The following EEF2KMT variants were observed in gnomAD, a reference collection of about 807,000 sequenced individuals.
EEF2KMT encodes eukaryotic elongation factor 2 lysine methyltransferase, also known as protein-lysine N-methyltransferase EEF2KMT.
EEF2KMT carries 30 observed loss-of-function variants against 35.1 expected under a neutral mutation model. That is an observed-to-expected ratio of 0.85 (90% CI 0.64 to 1.16). The LOEUF is 1.16. Among genes scored for constraint, EEF2KMT ranks in the 50% most tolerant of loss-of-function variants. The pLI is 0.00. For synonymous variants in EEF2KMT, 190 were observed against 187.7 expected, an observed-to-expected ratio of 1.01 and a Z score of -0.10; for missense variants, 499 against 438.2, an observed-to-expected ratio of 1.14 and a Z score of -1.24.
intron 6 of EEF2KMT, among the ~76,000 whole-genome samples, chr16:5,089,843 A>G (rs1330708286): frequency 6.6e-6 from 1 of 152,148 alleles, no homozygotes; most frequent in African/African-American, 2.4e-5. Flanking sequence ...TCTGGGACAG[A>G]GCCATGTGGT....
In EEF2KMT at chr16:5,090,151, C is replaced by G. The variant is rs750738501; in HGVS notation, c.675G>C (p.Gln225His). ...GGACCGTCGCGACGTCCCAGTCCAGCTGGGCCACTGTCACCCTGGGGCTGT... is the reference window on the plus strand; with the variant it reads ...GGACCGTCGCGACGTCCCAGTCCAGGTGGGCCACTGTCACCCTGGGGCTGT... ...KLDSPRVTVA[Q>H]LDWDVATVHQ... The change falls in exon 6 of 8, where the codon CAG (glutamine) becomes CAC (histidine). Residue 225 changes from glutamine to histidine, a missense_variant. By Grantham distance (24) the Gln-to-His change is conservative. Coordinates refer to ENST00000427587, the MANE Select transcript of EEF2KMT (RefSeq NM_201400.4). This position sits in a 1 kb window ranked among gnomAD's most constrained non-coding sequence, Gnocchi z 4.1. The G allele has an allele frequency of 3.1e-6, 5 of 1,611,200 alleles. No homozygotes were observed. The highest frequency in any genetic ancestry group is 4.2e-6 in the Non-Finnish European group (5 of 1,179,856).
chr16:5,092,069 G>T (rs1957351424), intron 3 of EEF2KMT, 174 bp from the exon 4 acceptor site: 11 of 1,254,684 alleles, frequency 8.8e-6, no homozygotes, highest in Admixed American at 5.1e-5. Flanking sequence ...AATAGTCCCA[G>T]CTACTCTAGA....
rs576316030 is a variant in EEF2KMT, at chr16:5,089,093, G to A, written c.892+14C>T. The A allele has an allele frequency of 2.7e-5, 43 of 1,612,238 alleles. No individual in the cohort carries two copies. The highest frequency in any genetic ancestry group is 1.9e-4 in the Middle Eastern group (1 of 5,272). ...TCAGGGACCATGCAGGCCCGGGTGG[G>A]CGTGGAGGCTCACCTAGCTCGGTGG... On this transcript the variant is annotated intron_variant, in intron 7 of 7. Coordinates refer to ENST00000427587, the MANE Select transcript of EEF2KMT (RefSeq NM_201400.4).
chr16:5,092,651 T>C (rs1957364885), intron 3 of EEF2KMT, among the ~76,000 whole-genome samples: 1 of 152,226 alleles, frequency 6.6e-6, no homozygotes, highest in Non-Finnish European at 1.5e-5. Context: ...AAACCCTGCA[T>C]GTTCGGGCGC....
Position 5,089,160 on chromosome 16 carries a change from A to T in EEF2KMT, c.839T>A (p.Val280Glu). The change falls in exon 7 of 8, where the codon GTG (valine) becomes GAG (glutamate). Residue 280 changes from valine to glutamate, a missense_variant. Val to Glu is a moderately radical substitution (Grantham distance 121). Transcript: ENST00000427587. ...REHQRAPEVY[V>E]AFTVRNPETC... is the part of the protein sequence containing the mutation. ...CTCTGGGTTGCGGACGGTAAAGGCC[A>T]CGTAGACCTCAGGAGCCCGCTGGTG... The T allele has an allele frequency of 6.2e-7, 1 of 1,612,424 alleles. No homozygotes were observed. The highest frequency in any genetic ancestry group is 8.5e-7 in the Non-Finnish European group (1 of 1,179,848).
intron 7 of EEF2KMT, among the ~76,000 whole-genome samples, chr16:5,088,457 G>A (rs1449447058): frequency 6.6e-6 from 1 of 152,164 alleles, no homozygotes; most frequent in East Asian, 1.9e-4. Context: ...GCAAAGGCTG[G>A]TGGCACTGGG....
Position 5,097,669 on chromosome 16 carries a change from C to A in EEF2KMT, c.71G>T (p.Arg24Leu). ...CTGCCAGGGGAAGGAGCGCAGTGTG[C>A]GTGCCGCCAGGAAGCGGCGCTCGAA... The part of the protein sequence containing the change: ...QSFERRFLAA[R>L]TLRSFPWQSL... Residue 24 changes from arginine to leucine, a missense_variant, in exon 1 of 8, where the codon CGC (arginine) becomes CTC (leucine). By Grantham distance (102) the Arg-to-Leu change is moderately radical. Coordinates refer to ENST00000427587, the MANE Select transcript of EEF2KMT (RefSeq NM_201400.4). The A allele has an allele frequency of 6.3e-7, 1 of 1,577,008 alleles. No individual in the cohort carries two copies. Among genetic ancestry groups the A allele is most frequent in the Non-Finnish European group, 8.6e-7 (1 of 1,167,348 alleles).
rs771934768 is a variant in EEF2KMT at position 5,090,188 on chromosome 16, G to A, written c.638C>T (p.Thr213Ile). The change falls in exon 6 of 8, where the codon ACT becomes ATT. Residue 213 changes from threonine to isoleucine, a missense_variant. Thr to Ile is a moderately conservative substitution (Grantham distance 89). Coordinates refer to ENST00000427587, the MANE Select transcript of EEF2KMT (RefSeq NM_201400.4). The surrounding 1 kb of genome is among the most constrained non-coding windows in gnomAD (Gnocchi z 4.1). ...LNGLSLEADI[T>I]AKLDSPRVTV... is the part of the protein sequence containing the mutation. ...CACCCTGGGGCTGTCTAACTTGGCA[G>A]TGATGTCTGCCTCTAATGAGAGGCC... is the stretch of plus-strand genomic sequence containing the variant. The A allele has an allele frequency of 1.1e-5, 17 of 1,611,770 alleles. No homozygotes were observed. The East Asian group carries it at 3.6e-4, about 34-fold the overall frequency.
At chr16:5,087,976 C>A (rs1275945996) in intron 7 of EEF2KMT, among the ~76,000 whole-genome samples, 3 of 134,214 alleles carry the variant, frequency 2.2e-5, no homozygotes, top group African/African-American at 8.3e-5. Context: ...GGGTCTTGCT[C>A]TGTTGCCCAG....
In EEF2KMT at chr16:5,090,718, T is replaced by A. The variant is rs1418180310; in HGVS notation, c.343-153A>T. 2.0e-5 allele frequency among the ~76,000 whole-genome samples: 3 copies of A among 152,010 alleles called. No individual in the cohort carries two copies. Among genetic ancestry groups the A allele is most frequent in the Non-Finnish European group, 4.4e-5 (3 of 67,980 alleles). On this transcript the variant is annotated intron_variant, in intron 4 of 7. Coordinates refer to ENST00000427587, the MANE Select transcript of EEF2KMT (RefSeq NM_201400.4). This position sits in a 1 kb window ranked among gnomAD's most constrained non-coding sequence, Gnocchi z 4.1. ...GCTAACTGTTGGCATGCCAACAGCT[T>A]TCACGGGCCTCAAGGGTGTCACGCG...
intron 3 of EEF2KMT, among the ~76,000 whole-genome samples, chr16:5,092,556 G>T (rs1957362318): frequency 6.6e-6 from 1 of 152,232 alleles, no homozygotes; most frequent in Admixed American, 6.5e-5. Context: ...AGAAGCAGGG[G>T]ATTGTTTATT....
At chr16:5,097,231 C>T (rs1426472351) in intron 1 of EEF2KMT, 3 of 1,215,770 alleles carry the variant, frequency 2.5e-6, no homozygotes. Flanking sequence ...TACTGAGGCA[C>T]GAGGGACAGC....
chr16:5,092,605 C>G (rs974147539), intron 3 of EEF2KMT, among the ~76,000 whole-genome samples: 7 of 152,230 alleles, frequency 4.6e-5, no homozygotes, highest in Non-Finnish European at 2.9e-5. Flanking sequence ...AGGTCTGCTA[C>G]TGCCTACTGA....
In EEF2KMT at chr16:5,089,146, G is replaced by A. The variant is rs751688481; in HGVS notation, c.853C>T (p.Arg285Cys). 2.7e-5 allele frequency: 44 copies of A among 1,612,500 alleles called. No homozygotes were observed. Among genetic ancestry groups the A allele is most frequent in the Admixed American group, 3.3e-5 (2 of 60,004 alleles). The change falls in exon 7 of 8, where the codon CGC becomes TGC. Residue 285 changes from arginine (R) to cysteine (C), a missense_variant. Transcript: ENST00000427587. Reference protein sequence around the residue: ...APEVYVAFTVRNPETCQLFTT... With the variant: ...APEVYVAFTVCNPETCQLFTT... ...AACAGCTGGCACGTCTCTGGGTTGC[G>A]GACGGTAAAGGCCACGTAGACCTCA...
chr16:5,090,469 C>A lies in EEF2KMT; in HGVS notation c.439G>T (p.Glu147Ter), dbSNP rs773268129. 6.2e-7 allele frequency: 1 copy of A among 1,612,034 alleles called. No homozygotes were observed. Among genetic ancestry groups the A allele is most frequent in the Non-Finnish European group, 8.5e-7 (1 of 1,179,864 alleles). ...VTWDAALYLA[E>*]WAIENPAVFT... ...ACTGCCGGGTTCTCGATGGCCCATT[C>A]TGCAAGGTAGAGGGCGGCGTCCCAT... Residue 147 changes from glutamate (E) to a stop codon, truncating the protein, a stop_gained, in exon 5 of 8, where the codon GAA (glutamate) becomes TAA (stop). Coordinates refer to ENST00000427587, the MANE Select transcript of EEF2KMT (RefSeq NM_201400.4). LOFTEE classifies it high-confidence loss of function. This position sits in a 1 kb window ranked among gnomAD's most constrained non-coding sequence, Gnocchi z 4.1.
chr16:5,097,177 G>C (rs1179141508), intron 1 of EEF2KMT: 1 of 741,008 alleles, frequency 1.3e-6, no homozygotes, highest in Non-Finnish European at 1.8e-6. Flanking sequence ...GACAGCCTCA[G>C]AGCATGAGCC....
At position 5,097,725 on chromosome 16, in the gene EEF2KMT, C is replaced by G. The variant is rs1304177358; in HGVS notation, c.15G>C (p.Glu5Asp). 5 of 1,568,078 alleles carry G rather than the reference C, an allele frequency of 3.2e-6. No homozygotes were observed. The African/African-American group carries it at 5.4e-5, about 17-fold the overall frequency. The part of the protein sequence containing the change: MAPE[E>D]NAGTELLLQS... The stretch of plus-strand genomic sequence containing the variant: ...GCAGCAAGAGTTCGGTCCCCGCGTT[C>G]TCCTCGGGCGCCATGACGTGGGCGG... Residue 5 changes from glutamate (E) to aspartate (D), a missense_variant, in exon 1 of 8, where the codon GAG becomes GAC. Transcript: ENST00000427587.
chr16:5,087,574 G>C (rs1386920280), intron 7 of EEF2KMT, among the ~76,000 whole-genome samples: 1 of 152,170 alleles, frequency 6.6e-6, no homozygotes, highest in African/African-American at 2.4e-5. Context: ...TGAGGCGGCA[G>C]ATCACTTGAG....
intron 3 of EEF2KMT, among the ~76,000 whole-genome samples, chr16:5,092,655 C>T (rs760101268): frequency 1.5e-4 from 23 of 152,342 alleles, no homozygotes; most frequent in African/African-American, 4.1e-4. Context: ...CCTGCATGTT[C>T]GGGCGCATCT....
Sources: gnomAD v4.1 joint callset for allele counts (sites outside exome capture counted in the v4.1 genomes callset) on GRCh38, gnomAD v4.1.1 for gene constraint, Gnocchi (gnomAD v3.1) non-coding constraint, MANE v1.5 for transcripts, NCBI Gene and HGNC (gene_info 2026-07-23, HGNC 2026-07-21) for gene names.